RUNX1T1: variants seen among roughly 807,000 people sequenced by gnomAD.
RUNX1T1 encodes the protein RUNX1 partner transcriptional co-repressor 1, also known as protein CBFA2T1.
Under a neutral mutation model 62.8 loss-of-function variants are expected in RUNX1T1, and 4 were observed. The observed-to-expected ratio is 0.06, with a 90% CI of 0.03 to 0.15. The LOEUF is 0.15. Ranked by LOEUF, RUNX1T1 falls within the 10% of genes least tolerant of loss-of-function variation. The probability of loss-of-function intolerance (pLI) is 1.00; values close to 1 mark genes in which losing one functional copy is unlikely to be tolerated. For synonymous variants in RUNX1T1, 291 were observed against 286.0 expected, an observed-to-expected ratio of 1.02 and a Z score of -0.18; for missense variants, 508 against 754.3, an observed-to-expected ratio of 0.67 and a Z score of 3.82.
intron 1 of RUNX1T1, among the ~76,000 whole-genome samples, chr8:92,054,865 C>T (rs950301007): frequency 2.2e-4 from 33 of 152,030 alleles, no homozygotes; most frequent in African/African-American, 7.2e-4. Context: ...ATTAGCCGGG[C>T]GTGGTGGCGC....
rs996508411 is a variant in RUNX1T1 at position 92,099,598 on chromosome 8, A to G, written c.-104T>C. The G allele has an allele frequency of 9.1e-6, 9 of 984,884 alleles. No homozygotes were observed. In the African/African-American group the frequency reaches 1.6e-4, roughly 17 times the overall value. 61.0% of individuals were successfully genotyped at this position (984,884 alleles called of 1,614,324 possible). A position where few individuals can be genotyped will look rare whatever the true frequency, so the allele number is the denominator to read the frequency against. On this transcript the variant is annotated 5_prime_UTR_variant, in exon 1 of 12. Transcript: ENST00000265814. ...AACTTACAGTAATAGACTCCGGCAA[A>G]ATGCAACTGACTCCGTTTTTTTCAC...
In RUNX1T1 at chr8:91,966,103, C is replaced by CATATATAT. The variant is rs59908043; in HGVS notation, c.1458+4547_1458+4554dup. Among the ~76,000 whole-genome samples, 1,144 of 146,392 alleles carry CATATATAT rather than the reference C, an allele frequency of 7.8e-3. 12 individuals are homozygous for CATATATAT. The highest frequency in any genetic ancestry group is 0.026 in the African/African-American group (1,055 of 39,874). On this transcript the variant is annotated intron_variant, in intron 10 of 10. Coordinates refer to ENST00000396218, the Ensembl canonical transcript of RUNX1T1. ...AACATCTACGGAATCAAACAGCTGGCATATATATATATATTTATAAAATAT... is the reference window on the plus strand; with the variant it reads ...AACATCTACGGAATCAAACAGCTGGCATATATATATATATATATATATTTATAAAATAT...
intron 10 of RUNX1T1, 67 bp from the exon 12 acceptor site, chr8:91,960,584 AT>A (rs1366189914): frequency 6.6e-7 from 1 of 1,513,688 alleles, no homozygotes; most frequent in African/African-American, 1.4e-5. Flanking sequence ...AGTCTGACAA[AT>A]ATGTTAGGCA....
intron 2 of RUNX1T1, chr8:92,071,387 T>C (rs1207436244): frequency 1.3e-5 from 2 of 151,954 alleles, no homozygotes; most frequent in South Asian, 2.1e-4. Flanking sequence ...ACTCAGAAAA[T>C]AAGAACCCAA....
intron 1 of RUNX1T1, among the ~76,000 whole-genome samples, chr8:92,030,407 T>C (rs1454011026): frequency 2.0e-5 from 3 of 152,142 alleles, no homozygotes; most frequent in African/African-American, 4.8e-5. Context: ...GAGTAAACAG[T>C]GGATATATAA....
intron 1 of RUNX1T1, among the ~76,000 whole-genome samples, chr8:92,090,776 G>A (rs146296397): frequency 6.6e-6 from 1 of 152,254 alleles, no homozygotes; most frequent in African/African-American, 2.4e-5. Flanking sequence ...GGAATACGAA[G>A]AAACCTCAAT....
At chr8:91,982,940 TTTTTG>T (rs1815695893) in intron 8 of RUNX1T1, among the ~76,000 whole-genome samples, 1 of 143,684 alleles carries the variant, frequency 7.0e-6, no homozygotes, top group Admixed American at 7.0e-5. Flanking sequence ...TTTTTTTTTT[TTTTTG>T]GAGACAGAGT....
At chr8:92,076,863 A>C (rs1834505685) in intron 1 of RUNX1T1, among the ~76,000 whole-genome samples, 1 of 152,090 alleles carries the variant, frequency 6.6e-6, no homozygotes, top group Non-Finnish European at 1.5e-5. Flanking sequence ...ATGATTAAAA[A>C]TGAGACCACT....
At chr8:92,004,887 T>TA in intron 5 of RUNX1T1, 1 of 434,696 alleles carries the variant, frequency 2.3e-6, no homozygotes, top group Non-Finnish European at 4.0e-6. Context: ...GCTTTAATAC[T>TA]ACAAGCAGAA....
chr8:92,065,093 C>T (rs559445358), upstream of RUNX1T1, among the ~76,000 whole-genome samples: 29 of 152,174 alleles, frequency 1.9e-4, no homozygotes, highest in African/African-American at 7.0e-4. Context: ...AGCAGAACCC[C>T]ATTTGGCAGT....
intron 1 of RUNX1T1, among the ~76,000 whole-genome samples, chr8:92,026,292 T>C (rs747106823): frequency 6.6e-6 from 1 of 152,240 alleles, no homozygotes; most frequent in Non-Finnish European, 1.5e-5. Context: ...GGGCATGGTT[T>C]ATCTCACTTT....
intron 1 of RUNX1T1, among the ~76,000 whole-genome samples, chr8:92,054,766 C>T (rs368058433): frequency 1.3e-5 from 2 of 152,060 alleles, no homozygotes; most frequent in African/African-American, 2.4e-5. Context: ...CTTTGGGAGG[C>T]GGGCGGATCA....
chr8:92,102,781 G>C, upstream of RUNX1T1: 5 of 1,380,816 alleles, frequency 3.6e-6, no homozygotes, highest in Non-Finnish European at 4.8e-6. This position sits in a 1 kb window ranked among gnomAD's most constrained non-coding sequence, Gnocchi z 4.5. Flanking sequence ...GACGGTCATC[G>C]GAACAGTAAT....
intron 3 of RUNX1T1, among the ~76,000 whole-genome samples, chr8:92,011,852 A>C (rs1288189667): frequency 6.6e-6 from 1 of 152,214 alleles, no homozygotes; most frequent in Admixed American, 6.5e-5. Flanking sequence ...ACAATAGATA[A>C]TGTGTGTTGG....
At chr8:92,069,759 A>G (rs1045791802) in intron 2 of RUNX1T1, among the ~76,000 whole-genome samples, 81 of 152,324 alleles carry the variant, frequency 5.3e-4, no homozygotes, top group African/African-American at 1.9e-3. Context: ...AATACACTCA[A>G]GAATGGTTAA....
chr8:92,086,919 G>T (rs1404415256), intron 1 of RUNX1T1, among the ~76,000 whole-genome samples: 1 of 152,118 alleles, frequency 6.6e-6, no homozygotes, highest in Non-Finnish European at 1.5e-5. Flanking sequence ...CCTGGCCTTG[G>T]CCTCCAGTCC....
intron 1 of RUNX1T1, among the ~76,000 whole-genome samples, chr8:92,096,814 A>G (rs1837786631): frequency 6.6e-6 from 1 of 152,318 alleles, no homozygotes; most frequent in South Asian, 2.1e-4. Flanking sequence ...GTGAGTAGAA[A>G]AAAAAACAAT....
At chr8:92,086,158 C>A (rs1836080882) in intron 1 of RUNX1T1, among the ~76,000 whole-genome samples, 1 of 152,136 alleles carries the variant, frequency 6.6e-6, no homozygotes, top group South Asian at 2.1e-4. Flanking sequence ...AGCACTGAGC[C>A]CAAGTCTGAG....
chr8:92,062,631 G>C, exon 1 of RUNX1T1: 3 of 1,613,996 alleles, frequency 1.9e-6, no homozygotes, highest in Non-Finnish European at 2.5e-6. Flanking sequence ...TCCTGTTCTG[G>C]AATGAGTGGC....
Sources: allele counts gnomAD v4.1 joint callset (sites outside exome capture counted in the v4.1 genomes callset), GRCh38; gene constraint gnomAD v4.1.1; non-coding constraint Gnocchi (gnomAD v3.1); transcripts MANE v1.5; gene names NCBI Gene and HGNC (gene_info 2026-07-23, HGNC 2026-07-21).